The following CASR variants were observed in gnomAD, a reference collection of about 807,000 sequenced individuals.
CASR encodes calcium sensing receptor.
CASR carries 23 observed loss-of-function variants against 69.1 expected under a neutral mutation model. That is an observed-to-expected ratio of 0.33 (90% CI 0.24 to 0.47). CASR has a LOEUF of 0.47. Among genes scored for constraint, CASR ranks in the 20% least tolerant of loss-of-function variants. CASR has a pLI of 1.00. For synonymous variants in CASR, 541 were observed against 544.7 expected (o/e 0.99, Z 0.10); for missense variants, 924 against 1,356.1 (o/e 0.68, Z 5.00).
At position 122,284,302 on chromosome 3, in the gene CASR, T is replaced by A. The variant is rs1182539562; in HGVS notation, c.2348T>A (p.Leu783Gln). ...LGFLIGYTCL[L>Q]AAICFFFAFK... ...TTCCTGATCGGCTACACCTGCCTGC[T>A]GGCTGCCATCTGCTTCTTCTTTGCC... Residue 783 changes from leucine (L) to glutamine (Q), a missense_variant, in exon 7 of 7, where the codon CTG (leucine) becomes CAG (glutamine). Transcript: ENST00000639785. The A allele has an allele frequency of 6.2e-7, 1 of 1,614,162 alleles. No individual in the cohort carries two copies. Among genetic ancestry groups the A allele is most frequent in the East Asian group, 2.2e-5 (1 of 44,872 alleles).
intron 1 of CASR, among the ~76,000 whole-genome samples, chr3:122,250,019 G>A (rs2074466838): frequency 6.6e-6 from 1 of 152,190 alleles, no homozygotes; most frequent in Middle Eastern, 3.2e-3. Context: ...CCGTGCAGCA[G>A]AATAGAGGAA....
At chr3:122,247,613 C>G (rs1164222007) in intron 1 of CASR, 1 of 152,220 alleles carries the variant, frequency 6.6e-6, no homozygotes, top group Non-Finnish European at 1.5e-5. Context: ...GCAACTCACT[C>G]AGTCCTATGT....
In CASR at chr3:122,284,864, C is replaced by T. The variant is rs200686461; in HGVS notation, c.2910C>T (p.Ser970=). The T allele has an allele frequency of 5.6e-6, 9 of 1,614,184 alleles. No individual in the cohort carries two copies. In the East Asian group the frequency reaches 2.0e-4, roughly 36 times the overall value. The change falls in exon 7 of 7, where the codon AGC becomes AGT. Residue 970 remains serine (S), a synonymous_variant. Transcript: ENST00000639785. The part of the protein sequence containing the change: ...PRCKQKVIFG[S]GTVTFSLSFD... ...GCAAGCAGAAGGTCATCTTTGGCAG[C>T]GGCACGGTCACCTTCTCACTGAGCT... is the stretch of plus-strand genomic sequence containing the variant.
At chr3:122,266,317 T>C (rs1319468180) in intron 4 of CASR, among the ~76,000 whole-genome samples, 4 of 152,088 alleles carry the variant, frequency 2.6e-5, no homozygotes, top group Admixed American at 2.6e-4. Flanking sequence ...ATGCATGTCC[T>C]GTATTTGCCC....
At chr3:122,201,850 C>A (rs999222727) in intron 1 of CASR, among the ~76,000 whole-genome samples, 9 of 151,924 alleles carry the variant, frequency 5.9e-5, no homozygotes, top group African/African-American at 1.9e-4. Flanking sequence ...TCCTCACTTC[C>A]TAGATGGGAT....
chr3:122,234,381 C>A (rs185161312), intron 1 of CASR, among the ~76,000 whole-genome samples: 1 of 152,260 alleles, frequency 6.6e-6, no homozygotes, highest in East Asian at 1.9e-4. Context: ...TTGGCTGGCC[C>A]CTGGTGTAAT....
At chr3:122,222,680 A>T (rs555792321) in intron 1 of CASR, among the ~76,000 whole-genome samples, 3 of 152,238 alleles carry the variant, frequency 2.0e-5, no homozygotes, top group Non-Finnish European at 4.4e-5. Context: ...TCTAACAAAG[A>T]TATTCTGGAC....
intron 3 of CASR, 78 bp downstream of exon 3, chr3:122,257,465 A>G: frequency 9.6e-7 from 1 of 1,043,858 alleles, no homozygotes; most frequent in Non-Finnish European, 1.5e-6. Context: ...CCCAATAGCC[A>G]TACGGTTTAC....
intron 1 of CASR, among the ~76,000 whole-genome samples, chr3:122,250,375 C>G (rs1210485031): frequency 6.6e-6 from 1 of 152,120 alleles, no homozygotes; most frequent in East Asian, 1.9e-4. Context: ...CATTAATTTT[C>G]TGTTGAATGA....
At chr3:122,245,262 G>T (rs1401495346) in intron 1 of CASR, 1 of 152,142 alleles carries the variant, frequency 6.6e-6, no homozygotes, top group East Asian at 1.9e-4. Context: ...TGTTCAGTAC[G>T]GATACAGCCA....
intron 1 of CASR, among the ~76,000 whole-genome samples, chr3:122,196,105 G>A (rs6802834): frequency 0.17 from 26,572 of 151,910 alleles, 2,401 homozygotes; most frequent in African/African-American, 0.21. Context: ...GCTAAATAAA[G>A]CATGATACAT....
chr3:122,211,652 A>G (rs6763513), intron 1 of CASR, among the ~76,000 whole-genome samples: 137,373 of 152,184 alleles, frequency 0.9, 62,440 homozygotes, highest in Admixed American at 0.93. Flanking sequence ...AGGTTGCAGT[A>G]AGCCTAGATC....
intron 1 of CASR, among the ~76,000 whole-genome samples, chr3:122,191,480 T>G (rs1189965158): frequency 6.6e-6 from 1 of 151,070 alleles, no homozygotes; most frequent in Non-Finnish European, 1.5e-5. Context: ...CCTGGCTAAT[T>G]TTTGTGTTTT....
intron 5 of CASR, among the ~76,000 whole-genome samples, chr3:122,277,059 T>TTC (rs2074831033): frequency 6.6e-6 from 1 of 150,788 alleles, no homozygotes; most frequent in Non-Finnish European, 1.5e-5. Context: ...TTTTTTTTTT[T>TTC]TTTTTTTGAG....
At chr3:122,259,889 T>C (rs1283664920) in intron 3 of CASR, among the ~76,000 whole-genome samples, 1 of 152,192 alleles carries the variant, frequency 6.6e-6, no homozygotes, top group Non-Finnish European at 1.5e-5. Context: ...GGAAAATTAA[T>C]TGTTTTAAAT....
chr3:122,221,102 A>G (rs750112639), intron 1 of CASR, among the ~76,000 whole-genome samples: 1 of 152,240 alleles, frequency 6.6e-6, no homozygotes, highest in Non-Finnish European at 1.5e-5. Flanking sequence ...TATCCCAACA[A>G]TAAGCCAGGA....
intron 1 of CASR, among the ~76,000 whole-genome samples, chr3:122,203,686 A>T (rs2073979286): frequency 6.6e-6 from 1 of 152,220 alleles, no homozygotes; most frequent in Admixed American, 6.5e-5. Flanking sequence ...CCTAGGACTC[A>T]CTGTGCACTA....
intron 4 of CASR, among the ~76,000 whole-genome samples, chr3:122,275,270 C>T (rs930967602): frequency 6.6e-6 from 1 of 152,206 alleles, no homozygotes; most frequent in African/African-American, 2.4e-5. Context: ...ACTCTGACAA[C>T]AATAATGGCC....
chr3:122,242,726 T>G (rs2877614), intron 1 of CASR, among the ~76,000 whole-genome samples: 130,024 of 152,172 alleles, frequency 0.85, 55,975 homozygotes, highest in Admixed American at 0.89. Flanking sequence ...AAGCTATGCT[T>G]AGCAAAAAGA....
Sources: allele counts gnomAD v4.1 joint callset (sites outside exome capture counted in the v4.1 genomes callset), GRCh38; gene constraint gnomAD v4.1.1; transcripts MANE v1.5; gene names NCBI Gene and HGNC (gene_info 2026-07-23, HGNC 2026-07-21).